The following GLIS3 variants were observed in gnomAD, a reference collection of about 807,000 sequenced individuals.
GLIS3 encodes GLIS family zinc finger 3, also known as zinc finger protein GLIS3.
In GLIS3, 53 loss-of-function variants were observed where a neutral mutation model predicts 78.6. The observed-to-expected ratio is 0.67, with a 90% CI of 0.54 to 0.85. GLIS3 has a LOEUF of 0.85. Among genes scored for constraint, GLIS3 ranks in the 40% least tolerant of loss-of-function variants. GLIS3 has a pLI of 0.00. For synonymous variants in GLIS3, 684 were observed against 509.9 expected (o/e 1.34, Z -4.60); for missense variants, 1,703 against 1,231.1 (o/e 1.38, Z -5.74).
chr9:4,058,830 A>G (rs1198743835), intron 4 of GLIS3, among the ~76,000 whole-genome samples: 41 of 152,058 alleles, frequency 2.7e-4, no homozygotes, highest in Non-Finnish European at 1.0e-4. Flanking sequence ...AAATACAAAA[A>G]AATTAGCCGG....
Position 4,347,601 on chromosome 9 carries a change from G to T in GLIS3, n.162-418C>A, listed in dbSNP as rs572253722. 1.1e-4 allele frequency among the ~76,000 whole-genome samples: 16 copies of T among 152,286 alleles called. 1 individual carries two copies. The South Asian group carries it at 3.3e-3, about 32-fold the overall frequency. On this transcript the variant is annotated intron_variant and non_coding_transcript_variant, in intron 1 of 4. Transcript: ENST00000471664. ...AAGTTTTATATGTGTGCTGAAGTTT[G>T]AGAATTATTGACTCACATAACTCAC... is the stretch of plus-strand genomic sequence containing the variant.
chr9:4,422,585 T>G, the GLIS3 span, among the ~76,000 whole-genome samples: 4 of 152,228 alleles, frequency 2.6e-5, no homozygotes, highest in Admixed American at 6.5e-5. Flanking sequence ...ATATCTCTCC[T>G]GTGCTAGGTC....
chr9:4,332,507 C>T (rs927572253), intron 2 of GLIS3, among the ~76,000 whole-genome samples: 3 of 152,330 alleles, frequency 2.0e-5, no homozygotes, highest in Admixed American at 6.5e-5. Flanking sequence ...TCCTCTCTCC[C>T]GTCTTGCTGG....
chr9:4,010,755 G>T (rs903202438), intron 4 of GLIS3, among the ~76,000 whole-genome samples: 1 of 152,114 alleles, frequency 6.6e-6, no homozygotes, highest in Non-Finnish European at 1.5e-5. Flanking sequence ...CCTTCTAATA[G>T]TTCTGTAAGG....
chr9:3,876,155 G>C (rs1469147299), intron 8 of GLIS3, among the ~76,000 whole-genome samples: 1 of 151,952 alleles, frequency 6.6e-6, no homozygotes, highest in East Asian at 1.9e-4. Context: ...TATTTACAAT[G>C]AATCTGTTTA....
At chr9:4,139,093 T>A (rs1436716739) in intron 2 of GLIS3, among the ~76,000 whole-genome samples, 3 of 152,176 alleles carry the variant, frequency 2.0e-5, no homozygotes, top group African/African-American at 7.2e-5. Flanking sequence ...CAACTTATCT[T>A]ATTAAGAAAA....
intron 2 of GLIS3, among the ~76,000 whole-genome samples, chr9:4,229,719 A>T (rs966369757): frequency 3.3e-5 from 5 of 152,248 alleles, no homozygotes; most frequent in Non-Finnish European, 7.3e-5. Flanking sequence ...AAAGAAAGAG[A>T]ACTCTAACAA....
At chr9:4,253,818 C>T (rs1378395295) in intron 2 of GLIS3, among the ~76,000 whole-genome samples, 2 of 152,192 alleles carry the variant, frequency 1.3e-5, no homozygotes, top group African/African-American at 4.8e-5. Flanking sequence ...ATGCACCATT[C>T]CTCACAGCAC....
chr9:3,965,440 C>T (rs1003352588), intron 4 of GLIS3, among the ~76,000 whole-genome samples: 18 of 151,942 alleles, frequency 1.2e-4, no homozygotes, highest in Non-Finnish European at 2.1e-4. Context: ...GTGATCTGCC[C>T]GCCTCAGCCT....
At chr9:3,849,646 G>A (rs1819296575) in intron 9 of GLIS3, among the ~76,000 whole-genome samples, 1 of 152,154 alleles carries the variant, frequency 6.6e-6, no homozygotes. Flanking sequence ...GGTGGCTCAT[G>A]CCTGTAATCC....
chr9:4,054,303 C>T (rs1355182974), intron 4 of GLIS3: 3 of 981,002 alleles, frequency 3.1e-6, no homozygotes, highest in Non-Finnish European at 3.6e-6. Flanking sequence ...AAACAACGTA[C>T]TCTACAGATG....
chr9:4,396,332 G>T, the GLIS3 span, among the ~76,000 whole-genome samples: 2 of 151,772 alleles, frequency 1.3e-5, no homozygotes, highest in Non-Finnish European at 2.9e-5. Flanking sequence ...TTGATCTCGA[G>T]TTGGCCAGGC....
the GLIS3 span, among the ~76,000 whole-genome samples, chr9:4,371,152 G>C: frequency 6.6e-6 from 1 of 152,096 alleles, no homozygotes. Context: ...TAAACCATTT[G>C]GTCAGGCCTG....
At chr9:4,055,923 A>C (rs1471857434) in intron 4 of GLIS3, among the ~76,000 whole-genome samples, 1 of 152,202 alleles carries the variant, frequency 6.6e-6, no homozygotes, top group Non-Finnish European at 1.5e-5. Flanking sequence ...GGAGGAAGGA[A>C]GGAAGTCTAT....
chr9:3,878,413 T>G (rs1821473420), intron 8 of GLIS3, among the ~76,000 whole-genome samples: 1 of 152,128 alleles, frequency 6.6e-6, no homozygotes, highest in Non-Finnish European at 1.5e-5. Flanking sequence ...TTAAACAAAA[T>G]AATATTGATA....
At chr9:4,293,876 T>C (rs905627086) in intron 1 of GLIS3, among the ~76,000 whole-genome samples, 3 of 152,220 alleles carry the variant, frequency 2.0e-5, no homozygotes, top group Admixed American at 1.3e-4. Context: ...GAAGAGATCA[T>C]GTCAGACAAG....
chr9:4,037,134 C>G (rs964538743), intron 4 of GLIS3, among the ~76,000 whole-genome samples: 9 of 152,166 alleles, frequency 5.9e-5, no homozygotes, highest in African/African-American at 2.2e-4. Context: ...TTACTGAATA[C>G]TTTGAAGATT....
the GLIS3 span, among the ~76,000 whole-genome samples, chr9:4,406,329 T>C: frequency 2.6e-5 from 4 of 152,216 alleles, no homozygotes; most frequent in South Asian, 6.2e-4. Context: ...TCTTTTTTTC[T>C]TGAGACAGAG....
the GLIS3 span, among the ~76,000 whole-genome samples, chr9:4,447,473 T>C: frequency 6.6e-5 from 10 of 152,290 alleles, no homozygotes; most frequent in African/African-American, 2.4e-4. Flanking sequence ...GTTCACCCAT[T>C]ATATTCTCAC....
Sources: allele counts gnomAD v4.1 joint callset (sites outside exome capture counted in the v4.1 genomes callset), GRCh38; gene constraint gnomAD v4.1.1; transcripts MANE v1.5; gene names NCBI Gene and HGNC (gene_info 2026-07-23, HGNC 2026-07-21).